RASGRP3: variants seen among roughly 807,000 people sequenced by gnomAD.
RASGRP3 encodes the protein RAS guanyl releasing protein 3, also known as ras guanyl-releasing protein 3.
A neutral mutation model predicts 82.7 loss-of-function variants in RASGRP3; 54 were observed. That is an observed-to-expected ratio of 0.65 (90% CI 0.52 to 0.82). The LOEUF (loss-of-function observed/expected upper bound fraction) is 0.82. Among genes scored for constraint, RASGRP3 ranks in the 40% least tolerant of loss-of-function variants. The probability of loss-of-function intolerance (pLI) is 0.00; values close to 1 mark genes in which losing one functional copy is unlikely to be tolerated. For synonymous variants in RASGRP3, 309 were observed against 300.5 expected, an observed-to-expected ratio of 1.03 and a Z score of -0.29; for missense variants, 861 against 828.9, an observed-to-expected ratio of 1.04 and a Z score of -0.48.
chr2:33,542,601 G>A (rs74374447), intron 12 of RASGRP3, among the ~76,000 whole-genome samples: 1,646 of 146,834 alleles, frequency 0.011, 244 homozygotes, highest in Admixed American at 0.074. Context: ...TCAACCCTGA[G>A]GTTTCAGTTT....
At chr2:33,480,149 T>C (rs939565057) in intron 1 of RASGRP3, among the ~76,000 whole-genome samples, 4 of 151,076 alleles carry the variant, frequency 2.6e-5, no homozygotes, top group African/African-American at 4.9e-5. Context: ...TTCACACCAT[T>C]CTCCTGCCTC....
At chr2:33,533,775 C>G (rs1399452402) in intron 10 of RASGRP3, 1 of 153,890 alleles carries the variant, frequency 6.5e-6, no homozygotes, top group African/African-American at 2.4e-5. Context: ...TCACACTCAG[C>G]ATGTGCTGTT....
At chr2:33,470,260 T>G (rs997081210) in intron 2 of RASGRP3, among the ~76,000 whole-genome samples, 2 of 152,152 alleles carry the variant, frequency 1.3e-5, no homozygotes, top group African/African-American at 4.8e-5. Flanking sequence ...AATACAGAAA[T>G]GTATCAAACT....
intron 1 of RASGRP3, among the ~76,000 whole-genome samples, chr2:33,437,479 A>G (rs570912250): frequency 1.3e-5 from 2 of 152,380 alleles, no homozygotes; most frequent in African/African-American, 4.8e-5. Context: ...TGTTACCACA[A>G]TGACTAACAG....
chr2:33,453,243 G>T (rs921065605), intron 2 of RASGRP3, among the ~76,000 whole-genome samples: 1 of 152,186 alleles, frequency 6.6e-6, no homozygotes, highest in Non-Finnish European at 1.5e-5. Context: ...CTGAAGACGG[G>T]CTTAACACAC....
At chr2:33,521,821 A>G (rs944359341) in intron 6 of RASGRP3, 134 bp from the exon 7 acceptor site, 25 of 1,074,310 alleles carry the variant, frequency 2.3e-5, no homozygotes, top group African/African-American at 2.1e-4. Flanking sequence ...TTCTCTTCCA[A>G]TATGAAAGAC....
intron 10 of RASGRP3, among the ~76,000 whole-genome samples, chr2:33,529,319 G>C (rs13016373): frequency 0.35 from 52,950 of 150,516 alleles, 10,572 homozygotes; most frequent in Middle Eastern, 0.53. Context: ...ACGGTGAAAC[G>C]CCATCTCTAC....
At chr2:33,495,310 C>A (rs371157892) in intron 1 of RASGRP3, among the ~76,000 whole-genome samples, 1 of 152,174 alleles carries the variant, frequency 6.6e-6, no homozygotes, top group South Asian at 2.1e-4. Context: ...TGTTCCACCT[C>A]AGATCATCAG....
At chr2:33,448,589 A>G (rs1297459356) in intron 2 of RASGRP3, among the ~76,000 whole-genome samples, 1 of 152,250 alleles carries the variant, frequency 6.6e-6, no homozygotes, top group Admixed American at 6.5e-5. Flanking sequence ...ATATGATTCC[A>G]CTTATGTGAA....
chr2:33,505,578 C>A (rs552254730), intron 1 of RASGRP3, among the ~76,000 whole-genome samples: 6 of 152,118 alleles, frequency 3.9e-5, no homozygotes, highest in South Asian at 2.1e-4. Context: ...GGATTACAGG[C>A]GTGAGCCACC....
intron 2 of RASGRP3, among the ~76,000 whole-genome samples, chr2:33,464,021 G>C (rs1208398658): frequency 1.3e-5 from 2 of 151,428 alleles, no homozygotes; most frequent in Non-Finnish European, 2.9e-5. Flanking sequence ...CATCAAGCAA[G>C]TCTACTAGGA....
chr2:33,454,408 A>T (rs1322216201), intron 2 of RASGRP3, among the ~76,000 whole-genome samples: 4 of 152,204 alleles, frequency 2.6e-5, no homozygotes, highest in African/African-American at 9.7e-5. Flanking sequence ...ATAAGACTGG[A>T]AAGATGTGAC....
chr2:33,521,704 G>C (rs377475009), intron 6 of RASGRP3, among the ~76,000 whole-genome samples: 1 of 152,152 alleles, frequency 6.6e-6, no homozygotes, highest in African/African-American at 2.4e-5. Context: ...AGACCTTGCC[G>C]GTCACAAAGA....
At chr2:33,523,441 G>A (rs1309700248) in intron 7 of RASGRP3, among the ~76,000 whole-genome samples, 4 of 148,342 alleles carry the variant, frequency 2.7e-5, no homozygotes, top group Non-Finnish European at 5.9e-5. Flanking sequence ...CTCCAGCCTG[G>A]CAATAGAGCG....
At chr2:33,536,068 C>T (rs182752952) in intron 11 of RASGRP3, among the ~76,000 whole-genome samples, 38 of 151,984 alleles carry the variant, frequency 2.5e-4, no homozygotes, top group Non-Finnish European at 4.0e-4. Flanking sequence ...TTTGGGAGGC[C>T]GAGGCAGGCA....
chr2:33,443,026 G>T (rs1035085720), intron 1 of RASGRP3, among the ~76,000 whole-genome samples: 4 of 152,034 alleles, frequency 2.6e-5, no homozygotes, highest in African/African-American at 9.7e-5. Context: ...AATATTCAGG[G>T]TCAGTGTGAA....
At chr2:33,492,654 G>C (rs547155489) in intron 1 of RASGRP3, among the ~76,000 whole-genome samples, 1 of 152,310 alleles carries the variant, frequency 6.6e-6, no homozygotes, top group African/African-American at 2.4e-5. Context: ...CAGGAAGAAG[G>C]TGGCCATCTG....
At chr2:33,458,464 C>CTATATT (rs1558401595) in intron 2 of RASGRP3, among the ~76,000 whole-genome samples, 3 of 152,174 alleles carry the variant, frequency 2.0e-5, no homozygotes, top group Non-Finnish European at 4.4e-5. Context: ...AAAATATAGA[C>CTATATT]AGATATATTG....
chr2:33,456,433 A>C (rs1038763796), intron 2 of RASGRP3, among the ~76,000 whole-genome samples: 1 of 152,074 alleles, frequency 6.6e-6, no homozygotes, highest in Non-Finnish European at 1.5e-5. Flanking sequence ...TACATAATCC[A>C]TATCTTTTGT....
Sources: allele counts gnomAD v4.1 joint callset (sites outside exome capture counted in the v4.1 genomes callset), GRCh38; gene constraint gnomAD v4.1.1; transcripts MANE v1.5; gene names NCBI Gene and HGNC (gene_info 2026-07-23, HGNC 2026-07-21).